The following ZMYND11 variants were observed in gnomAD, a reference collection of about 807,000 sequenced individuals.
ZMYND11 encodes the protein zinc finger MYND domain-containing protein 11.
ZMYND11 carries 9 observed loss-of-function variants against 84.9 expected under a neutral mutation model. The ratio of observed to expected loss-of-function variants is 0.11; its 90% confidence interval spans 0.06 to 0.18. ZMYND11 has a LOEUF of 0.18. Ranked by LOEUF, ZMYND11 falls within the 10% of genes least tolerant of loss-of-function variation. ZMYND11 has a pLI of 1.00. For missense variants in ZMYND11, 409 were observed against 761.0 expected (o/e 0.54, Z 5.44); for synonymous variants, 250 against 244.1 (o/e 1.02, Z -0.23).
At chr10:168,176 G>A (rs548631162) in intron 1 of ZMYND11, among the ~76,000 whole-genome samples, 38 of 152,126 alleles carry the variant, frequency 2.5e-4, no homozygotes, top group Non-Finnish European at 5.0e-4. Context: ...TGCAATAATT[G>A]TATAGGAATC....
intron 3 of ZMYND11, among the ~76,000 whole-genome samples, chr10:220,323 C>T (rs1230554094): frequency 6.6e-6 from 1 of 152,036 alleles, no homozygotes; most frequent in African/African-American, 2.4e-5. Flanking sequence ...AGAATTAACT[C>T]ATCACTCTTA....
At chr10:204,668 G>T (rs1263671222) in intron 2 of ZMYND11, among the ~76,000 whole-genome samples, 2 of 152,050 alleles carry the variant, frequency 1.3e-5, no homozygotes, top group Admixed American at 1.3e-4. Flanking sequence ...TCTTGATTAG[G>T]TTACAGAAGT....
At chr10:209,807 A>AT in intron 2 of ZMYND11, 82 bp from the exon 3 acceptor site, 1 of 1,373,776 alleles carries the variant, frequency 7.3e-7, no homozygotes, top group South Asian at 1.4e-5. Flanking sequence ...AATGAAAGAA[A>AT]TTACCACCAT....
intron 1 of ZMYND11, among the ~76,000 whole-genome samples, chr10:149,825 A>G (rs1225291418): frequency 6.6e-6 from 1 of 152,140 alleles, no homozygotes; most frequent in African/African-American, 2.4e-5. Flanking sequence ...ACATTATTTC[A>G]ACACTTCTTT....
upstream of ZMYND11, chr10:134,792 T>G (rs1835492682): frequency 6.6e-6 from 1 of 152,128 alleles, no homozygotes; most frequent in African/African-American, 2.4e-5. Context: ...TGCACGTACG[T>G]AGCCTTCACG....
At chr10:163,845 G>A (rs142989558) in intron 1 of ZMYND11, among the ~76,000 whole-genome samples, 6 of 152,188 alleles carry the variant, frequency 3.9e-5, no homozygotes, top group South Asian at 4.1e-4. Flanking sequence ...CCTATTCTGC[G>A]TGAGTTGGAT....
At chr10:228,108 G>A (rs186078663) in intron 4 of ZMYND11, among the ~76,000 whole-genome samples, 65 of 152,108 alleles carry the variant, frequency 4.3e-4, no homozygotes, top group African/African-American at 1.5e-3. Flanking sequence ...AAAAATAATG[G>A]GAACACTGAT....
At chr10:198,460 A>T (rs1258921670) in intron 2 of ZMYND11, among the ~76,000 whole-genome samples, 1 of 152,240 alleles carries the variant, frequency 6.6e-6, no homozygotes, top group East Asian at 1.9e-4. Context: ...GTTAATCCCC[A>T]TAAAATCTTT....
intron 2 of ZMYND11, among the ~76,000 whole-genome samples, chr10:183,555 C>T (rs1294346285): frequency 6.6e-6 from 1 of 152,140 alleles, no homozygotes; most frequent in Non-Finnish European, 1.5e-5. Flanking sequence ...AACTGGACTG[C>T]TTCTATAAGG....
chr10:233,847 C>T (rs960390147), intron 4 of ZMYND11, among the ~76,000 whole-genome samples: 2 of 152,148 alleles, frequency 1.3e-5, no homozygotes, highest in Non-Finnish European at 2.9e-5. Context: ...CTGACTTCCC[C>T]AAAATAGGGA....
chr10:217,048 A>G (rs1195505497), intron 3 of ZMYND11, among the ~76,000 whole-genome samples: 2 of 152,214 alleles, frequency 1.3e-5, no homozygotes, highest in Non-Finnish European at 2.9e-5. Flanking sequence ...TGTAATATTT[A>G]TCTACTCATT....
intron 1 of ZMYND11, among the ~76,000 whole-genome samples, chr10:143,630 T>C (rs1564256708): frequency 6.6e-6 from 1 of 152,216 alleles, no homozygotes; most frequent in Non-Finnish European, 1.5e-5. Flanking sequence ...TTTTAAATTA[T>C]AGAGGATATA....
At chr10:137,569 T>C (rs1836407453) in intron 1 of ZMYND11, among the ~76,000 whole-genome samples, 1 of 152,182 alleles carries the variant, frequency 6.6e-6, no homozygotes, top group Non-Finnish European at 1.5e-5. Context: ...TTGATTTTAA[T>C]TAATGGTTGG....
chr10:172,225 G>A (rs560510387), intron 1 of ZMYND11, among the ~76,000 whole-genome samples: 4 of 152,166 alleles, frequency 2.6e-5, no homozygotes, highest in South Asian at 2.1e-4. Flanking sequence ...TTGGAGAAAC[G>A]AAAACATTCA....
At chr10:197,129 G>T (rs555011207) in intron 2 of ZMYND11, among the ~76,000 whole-genome samples, 1 of 150,934 alleles carries the variant, frequency 6.6e-6, no homozygotes, top group Non-Finnish European at 1.5e-5. Context: ...GTGTGCCCAC[G>T]TGCACATTGT....
intron 1 of ZMYND11, among the ~76,000 whole-genome samples, chr10:161,453 A>G (rs138177971): frequency 3.9e-5 from 6 of 152,302 alleles, no homozygotes; most frequent in Non-Finnish European, 7.3e-5. Context: ...CTTCAAATTA[A>G]TGTTACCAGC....
chr10:135,740 G>C lies in ZMYND11; in HGVS notation c.-20+181G>C, dbSNP rs1247033633. Among the ~76,000 whole-genome samples, 1 of 148,078 alleles carries C rather than the reference G, an allele frequency of 6.8e-6. No homozygotes were observed. The highest frequency in any genetic ancestry group is 1.5e-5 in the Non-Finnish European group (1 of 66,386). Reference sequence around the variant, plus strand: ...GCTGCCGGGGAGCTTTGTGGATGGCGGGGCGGGCCGGGCCGGCGGGGCCTG... The same window carrying C: ...GCTGCCGGGGAGCTTTGTGGATGGCCGGGCGGGCCGGGCCGGCGGGGCCTG... On this transcript the variant is annotated intron_variant, in intron 1 of 14. Coordinates refer to ENST00000381604, the MANE Select transcript of ZMYND11 (RefSeq NM_001370100.5). This position sits in a 1 kb window ranked among gnomAD's most constrained non-coding sequence, Gnocchi z 5.6.
chr10:148,137 G>A (rs1839361356), intron 1 of ZMYND11: 1 of 152,378 alleles, frequency 6.6e-6, no homozygotes, highest in South Asian at 2.1e-4. Flanking sequence ...CCAGGCTGGG[G>A]GTAATATTTC....
At chr10:174,669 G>A (rs1588655414) in intron 1 of ZMYND11, among the ~76,000 whole-genome samples, 1 of 151,702 alleles carries the variant, frequency 6.6e-6, no homozygotes, top group South Asian at 2.1e-4. Flanking sequence ...CATTACAGTG[G>A]CACGTGCTTG....
Sources: allele counts gnomAD v4.1 joint callset (sites outside exome capture counted in the v4.1 genomes callset), GRCh38; gene constraint gnomAD v4.1.1; non-coding constraint Gnocchi (gnomAD v3.1); transcripts MANE v1.5; gene names NCBI Gene and HGNC (gene_info 2026-07-23, HGNC 2026-07-21).